ENDOD1: variants seen among roughly 807,000 people sequenced by gnomAD.
ENDOD1 encodes the protein endonuclease domain containing 1, also known as endonuclease domain-containing 1 protein.
Under a neutral mutation model 6.5 loss-of-function variants are expected in ENDOD1, and 9 were observed. The observed-to-expected ratio is 1.39, with a 90% confidence interval of 0.84 to 2.43. The LOEUF (loss-of-function observed/expected upper bound fraction) is 2.43. ENDOD1 is among the 30% of genes most tolerant of loss of function. ENDOD1 has a pLI of 0.00. For synonymous variants in ENDOD1, 255 were observed against 255.2 expected (o/e 1.00, Z 0.01); for missense variants, 648 against 635.5 (o/e 1.02, Z -0.21).
chr11:95,092,396 G>A (rs569910347), intron 1 of ENDOD1, among the ~76,000 whole-genome samples: 1 of 152,144 alleles, frequency 6.6e-6, no homozygotes, highest in Non-Finnish European at 1.5e-5. Context: ...AGCATAGTTT[G>A]ACAGAAAGAA....
At chr11:95,118,866 C>G (rs529146057) in intron 1 of ENDOD1, among the ~76,000 whole-genome samples, 1 of 151,976 alleles carries the variant, frequency 6.6e-6, no homozygotes, top group Non-Finnish European at 1.5e-5. Flanking sequence ...TTTCTTTTGT[C>G]TCTTGTTACT....
rs1859338688 is a variant in ENDOD1, at chr11:95,128,791, C to G, written c.715C>G (p.His239Asp). ...AGGCTGGGCCATGGGCTTTGTCAAG[C>G]ACACCCGGGACAGTGACATCATAGA... ...GGGWAMGFVK[H>D]TRDSDIIEDV... The change falls in exon 2 of 2, where the codon CAC (histidine) becomes GAC (aspartate). Residue 239 changes from histidine (H) to aspartate (D), a missense_variant. By Grantham distance (81) the His-to-Asp change is moderately conservative. Coordinates refer to ENST00000278505, the MANE Select transcript of ENDOD1 (RefSeq NM_015036.3). 1 of 1,614,188 alleles carries G rather than the reference C, an allele frequency of 6.2e-7. No individual in the cohort carries two copies. Among genetic ancestry groups the G allele is most frequent in the East Asian group, 2.2e-5 (1 of 44,882 alleles).
rs199810733 is a variant in ENDOD1 at position 95,128,796 on chromosome 11, C to A, written c.720C>A (p.Thr240=). 8.1e-6 allele frequency: 13 copies of A among 1,614,100 alleles called. No individual in the cohort carries two copies. In the East Asian group the frequency reaches 1.3e-4, roughly 17 times the overall value. Residue 240 remains threonine (T), a synonymous_variant, in exon 2 of 2, where the codon ACC becomes ACA. Transcript: ENST00000278505. The stretch of plus-strand genomic sequence containing the variant: ...GGGCCATGGGCTTTGTCAAGCACAC[C>A]CGGGACAGTGACATCATAGAAGATG... The part of the protein sequence containing the change: ...GGWAMGFVKH[T]RDSDIIEDVM...
intron 1 of ENDOD1, among the ~76,000 whole-genome samples, chr11:95,094,160 AAT>A (rs1858958579): frequency 6.7e-6 from 1 of 148,522 alleles, no homozygotes; most frequent in Non-Finnish European, 1.5e-5. Context: ...TTAATTATAT[AAT>A]ATATAATTTA....
intron 1 of ENDOD1, among the ~76,000 whole-genome samples, chr11:95,092,801 C>T (rs1328586428): frequency 2.6e-5 from 4 of 152,222 alleles, no homozygotes; most frequent in African/African-American, 7.2e-5. Context: ...TGCCTCCCAG[C>T]CAAGATCCCC....
intron 1 of ENDOD1, among the ~76,000 whole-genome samples, chr11:95,094,084 C>A (rs1267928393): frequency 1.3e-5 from 2 of 150,372 alleles, no homozygotes; most frequent in Non-Finnish European, 3.0e-5. Flanking sequence ...ACATATAAAG[C>A]TCTATCATTT....
rs551863677 is a variant in ENDOD1 at position 95,105,091 on chromosome 11, C to T, written c.300+14864C>T. ...TGGTTGTGGATATATCTCCCAGGAC[C>T]GGGTGAGTTGAGCCTTGGAAAAGAT... On this transcript the variant is annotated intron_variant, in intron 1 of 1. Transcript: ENST00000278505. 7.9e-5 allele frequency among the ~76,000 whole-genome samples: 12 copies of T among 152,246 alleles called. No homozygotes were observed. The South Asian group carries it at 1.7e-3, about 21-fold the overall frequency.
intron 1 of ENDOD1, among the ~76,000 whole-genome samples, chr11:95,108,633 AT>A (rs1215186506): frequency 3.3e-5 from 5 of 151,680 alleles, no homozygotes; most frequent in East Asian, 1.9e-4. Flanking sequence ...AGCACGGAAG[AT>A]TTTTTTTTCC....
At chr11:95,121,537 T>G (rs777660520) in intron 1 of ENDOD1, among the ~76,000 whole-genome samples, 5 of 152,160 alleles carry the variant, frequency 3.3e-5, no homozygotes, top group Admixed American at 2.0e-4. Flanking sequence ...GTGGAATGGG[T>G]GAATGTTTCC....
At chr11:95,101,857 T>C (rs913394758) in intron 1 of ENDOD1, among the ~76,000 whole-genome samples, 6 of 152,346 alleles carry the variant, frequency 3.9e-5, no homozygotes, top group African/African-American at 1.4e-4. Flanking sequence ...TTATTAAGCA[T>C]TTTAACTTAG....
At position 95,091,021 on chromosome 11, in the gene ENDOD1, A is replaced by G. The variant is rs79991767; in HGVS notation, c.300+794A>G. On this transcript the variant is annotated intron_variant, in intron 1 of 1. Transcript: ENST00000278505. Reference sequence around the variant, plus strand: ...CTCATATCTATATTATCATACCACTAGGAAATCGTGTCACCTCTCATGGTG... The same window carrying G: ...CTCATATCTATATTATCATACCACTGGGAAATCGTGTCACCTCTCATGGTG... 9.4e-3 allele frequency among the ~76,000 whole-genome samples: 1,427 copies of G among 152,322 alleles called. 25 individuals carry two copies. Among genetic ancestry groups the G allele is most frequent in the African/African-American group, 0.033 (1,362 of 41,576 alleles).
intron 1 of ENDOD1, among the ~76,000 whole-genome samples, chr11:95,094,550 C>T (rs141159705): frequency 1.3e-5 from 2 of 152,222 alleles, no homozygotes; most frequent in Admixed American, 1.3e-4. Flanking sequence ...ACTGCAAAAA[C>T]ATTTTCCTGG....
chr11:95,114,293 GAGA>G (rs1555112263), intron 1 of ENDOD1, among the ~76,000 whole-genome samples: 2,115 of 151,984 alleles, frequency 0.014, 51 homozygotes, highest in African/African-American at 0.048. Flanking sequence ...ATTTTTTGTA[GAGA>G]CGGGGTTTCA....
chr11:95,112,294 C>G (rs983988467), intron 1 of ENDOD1, among the ~76,000 whole-genome samples: 1 of 152,224 alleles, frequency 6.6e-6, no homozygotes, highest in Non-Finnish European at 1.5e-5. Context: ...TCAGCATTCC[C>G]CTCCTCATTC....
At chr11:95,111,678 A>G (rs1031138026) in intron 1 of ENDOD1, among the ~76,000 whole-genome samples, 2 of 152,194 alleles carry the variant, frequency 1.3e-5, no homozygotes, top group East Asian at 3.9e-4. Flanking sequence ...GGCAGAGCTT[A>G]GACGGTGATG....
rs1198070310 is a variant in ENDOD1, at chr11:95,132,500, T to A, written c.*2921T>A. The A allele has an allele frequency of 2.6e-5, 4 of 150,988 alleles. No homozygotes were observed. Among genetic ancestry groups the A allele is most frequent in the African/African-American group, 9.7e-5 (4 of 41,120 alleles). The allele number at this position is 150,988 out of a possible 1,614,324, so 9.4% of individuals were successfully genotyped here. On this transcript the variant is annotated 3_prime_UTR_variant, in exon 2 of 2. Coordinates refer to ENST00000278505, the MANE Select transcript of ENDOD1 (RefSeq NM_015036.3). ...CTGCAGTAAAGGTACTAATAACATGTTCCTTGGAACAGAGGAAGAAAAACC... is the reference window on the plus strand; with the variant it reads ...CTGCAGTAAAGGTACTAATAACATGATCCTTGGAACAGAGGAAGAAAAACC...
chr11:95,097,622 C>T (rs939931887), intron 1 of ENDOD1, among the ~76,000 whole-genome samples: 3 of 152,114 alleles, frequency 2.0e-5, no homozygotes, highest in Non-Finnish European at 4.4e-5. Flanking sequence ...TTAAATAGGA[C>T]CATTTTGGCT....
At chr11:95,114,528 T>TA (rs1235961038) in intron 1 of ENDOD1, among the ~76,000 whole-genome samples, 7 of 152,348 alleles carry the variant, frequency 4.6e-5, no homozygotes, top group Admixed American at 1.3e-4. Flanking sequence ...CCATTTTTGT[T>TA]ATGGTTGCCT....
intron 1 of ENDOD1, among the ~76,000 whole-genome samples, chr11:95,126,854 G>A (rs1408942388): frequency 6.8e-6 from 1 of 146,222 alleles, no homozygotes; most frequent in Non-Finnish European, 1.5e-5. Context: ...CTAATTTTTT[G>A]AATTTTTTTT....
Sources: allele counts gnomAD v4.1 joint callset (sites outside exome capture counted in the v4.1 genomes callset), GRCh38; gene constraint gnomAD v4.1.1; transcripts MANE v1.5; gene names NCBI Gene and HGNC (gene_info 2026-07-23, HGNC 2026-07-21).